SPEN: variants seen among roughly 807,000 people sequenced by gnomAD.
SPEN encodes the protein msx2-interacting protein.
A neutral mutation model predicts 269.9 loss-of-function variants in SPEN; 18 were observed. That is an observed-to-expected ratio of 0.07 (90% CI 0.05 to 0.10). The LOEUF is 0.10. Ranked by LOEUF, SPEN falls within the 10% of genes least tolerant of loss-of-function variation. SPEN has a pLI of 1.00. For missense variants in SPEN, 3,822 were observed against 4,631.2 expected (o/e 0.83, Z 5.07); for synonymous variants, 1,726 against 1,765.7 (o/e 0.98, Z 0.56).
At chr1:15,938,618 T>A in intron 13 of SPEN, 100 bp from the exon 14 acceptor site, 1 of 765,846 alleles carries the variant, frequency 1.3e-6, no homozygotes, top group Non-Finnish European at 1.9e-6. Context: ...TAAAGTCATC[T>A]CAGAGGTGGG....
intron 1 of SPEN, among the ~76,000 whole-genome samples, chr1:15,857,258 T>C (rs1018282763): frequency 1.3e-5 from 2 of 152,186 alleles, no homozygotes; most frequent in Admixed American, 6.6e-5. Flanking sequence ...AGAGACAAGG[T>C]CTCACTCTGT....
intron 5 of SPEN, among the ~76,000 whole-genome samples, chr1:15,914,976 T>G (rs958841147): frequency 6.6e-6 from 1 of 152,200 alleles, no homozygotes; most frequent in South Asian, 2.1e-4. Flanking sequence ...GACAGTTGAT[T>G]TATTGTGTTA....
Position 15,934,093 on chromosome 1 carries a change from T to C in SPEN, c.7853T>C (p.Ile2618Thr). The C allele has an allele frequency of 6.2e-7, 1 of 1,611,670 alleles. No homozygotes were observed. The highest frequency in any genetic ancestry group is 8.5e-7 in the Non-Finnish European group (1 of 1,178,120). Reference sequence around the variant, plus strand: ...GTGGCTCCAGTCATTGCTCCCAAAATTACCTCTGTTATTAGCCGGATGCCT... The same window carrying C: ...GTGGCTCCAGTCATTGCTCCCAAAACTACCTCTGTTATTAGCCGGATGCCT... ...EKVAPVIAPK[I>T]TSVISRMPVS... The change falls in exon 11 of 15, where the codon ATT (isoleucine) becomes ACT (threonine). Residue 2618 changes from isoleucine to threonine, a missense_variant. This residue lies in a region of SPEN where 329 missense variants were observed against 431.2 expected (regional missense o/e 0.76). Transcript: ENST00000375759. This position sits in a 1 kb window ranked among gnomAD's most constrained non-coding sequence, Gnocchi z 9.2.
At chr1:15,871,545 G>A (rs1029283305) in intron 1 of SPEN, among the ~76,000 whole-genome samples, 1 of 149,142 alleles carries the variant, frequency 6.7e-6, no homozygotes, top group African/African-American at 2.5e-5. Flanking sequence ...CCACCTGCCT[G>A]GGCCTCCCAA....
At chr1:15,871,228 A>G (rs2070569780) in intron 1 of SPEN, among the ~76,000 whole-genome samples, 1 of 152,206 alleles carries the variant, frequency 6.6e-6, no homozygotes, top group Non-Finnish European at 1.5e-5. Context: ...TCAGCCTCCC[A>G]AAGTGCTGGG....
chr1:15,867,602 G>T (rs911463429), intron 1 of SPEN, among the ~76,000 whole-genome samples: 2 of 151,960 alleles, frequency 1.3e-5, no homozygotes, highest in Non-Finnish European at 1.5e-5. Context: ...TATATTTGTT[G>T]TTGTTTTTTG....
chr1:15,887,297 T>TTC (rs2070746174), intron 3 of SPEN, among the ~76,000 whole-genome samples: 3 of 146,430 alleles, frequency 2.0e-5, no homozygotes, highest in Non-Finnish European at 4.5e-5. Flanking sequence ...TTTTTTTTTT[T>TTC]TGAGACGGAG....
At position 15,935,449 on chromosome 1, in the gene SPEN, G is replaced by A. The variant is rs1450759091; in HGVS notation, c.9209G>A (p.Ser3070Asn). ...ATCCCAGTGCCCCAGTTCATCTCCAGCATCCACCCAGAGCAGTCTGTCATC... is the reference window on the plus strand; with the variant it reads ...ATCCCAGTGCCCCAGTTCATCTCCAACATCCACCCAGAGCAGTCTGTCATC... ...AGIPVPQFIS[S>N]IHPEQSVIMP... is the part of the protein sequence containing the mutation. Residue 3070 changes from serine to asparagine, a missense_variant, in exon 11 of 15, where the codon AGC becomes AAC. Ser to Asn is a conservative substitution (Grantham distance 46). Around this residue, in one of 16 missense-constraint regions of SPEN, gnomAD observed 153 missense variants for 228.5 expected, o/e 0.67. Coordinates refer to ENST00000375759, the MANE Select transcript of SPEN (RefSeq NM_015001.3). The surrounding 1 kb of genome is among the most constrained non-coding windows in gnomAD (Gnocchi z 7.7). The A allele has an allele frequency of 1.9e-6, 3 of 1,614,048 alleles. No homozygotes were observed. The South Asian group carries it at 3.3e-5, about 18-fold the overall frequency.
intron 3 of SPEN, among the ~76,000 whole-genome samples, chr1:15,893,874 A>G (rs1006915449): frequency 6.6e-6 from 1 of 152,176 alleles, no homozygotes; most frequent in African/African-American, 2.4e-5. Flanking sequence ...CCCTGTCTCT[A>G]CTAAAAATAC....
chr1:15,893,692 A>G (rs572736799), intron 3 of SPEN, among the ~76,000 whole-genome samples: 1 of 152,096 alleles, frequency 6.6e-6, no homozygotes, highest in South Asian at 2.1e-4. Flanking sequence ...AAAAAAGGCC[A>G]GTACACTCAA....
chr1:15,932,139 G>A lies in SPEN; in HGVS notation c.5899G>A (p.Glu1967Lys), dbSNP rs763007084. Residue 1967 changes from glutamate to lysine, a missense_variant, in exon 11 of 15, where the codon GAG becomes AAG. Around this residue, in one of 16 missense-constraint regions of SPEN, gnomAD observed 533 missense variants for 618.8 expected, o/e 0.86. Coordinates refer to ENST00000375759, the MANE Select transcript of SPEN (RefSeq NM_015001.3). This position sits in a 1 kb window ranked among gnomAD's most constrained non-coding sequence, Gnocchi z 4.2. Reference sequence around the variant, plus strand: ...GCGAGCCGATGAAGAGGAGGAGAACGAGGCCAAGGAACCTGCAGAAACACT... The same window carrying A: ...GCGAGCCGATGAAGAGGAGGAGAACAAGGCCAAGGAACCTGCAGAAACACT... ...RRRADEEEEN[E>K]AKEPAETLKP... 3 of 1,613,360 alleles carry A rather than the reference G, an allele frequency of 1.9e-6. No individual in the cohort carries two copies. The highest frequency in any genetic ancestry group is 2.7e-5 in the African/African-American group (2 of 74,872).
At chr1:15,918,640 A>G (rs1241161161) in intron 6 of SPEN, among the ~76,000 whole-genome samples, 2 of 152,216 alleles carry the variant, frequency 1.3e-5, no homozygotes, top group Non-Finnish European at 2.9e-5. Context: ...GTTTCTCTTA[A>G]TGCTGTTAGT....
rs868593080 is a variant in SPEN, at chr1:15,901,327, T to A, written c.882-7994T>A. On this transcript the variant is annotated intron_variant, in intron 3 of 14. Transcript: ENST00000375759. ...AGAGACTCTGTCTGGTAAAAAAAAA[T>A]AAAAAAATAAAAAATAAAAATAAAA... 6.9e-3 allele frequency among the ~76,000 whole-genome samples: 998 copies of A among 143,828 alleles called. 11 individuals carry two copies. The highest frequency in any genetic ancestry group is 0.024 in the African/African-American group (939 of 38,778). The allele number at this position is 143,828 out of a possible 152,430, so 94.4% of individuals were successfully genotyped here.
In SPEN at chr1:15,939,239, G is replaced by A. The variant is rs1024159743; in HGVS notation, c.10864-57G>A. The stretch of plus-strand genomic sequence containing the variant: ...GCCTCTTCAGGGCTCCCCAATGGAA[G>A]TGGAGTTGTGGGGGTGAAGACAGAC... On this transcript the variant is annotated intron_variant, in intron 14 of 14. Transcript: ENST00000375759. This position sits in a 1 kb window ranked among gnomAD's most constrained non-coding sequence, Gnocchi z 4.1. 3 of 1,495,232 alleles carry A rather than the reference G, an allele frequency of 2.0e-6. No individual in the cohort carries two copies. The highest frequency in any genetic ancestry group is 5.0e-5 in the East Asian group (2 of 40,158). The allele number at this position is 1,495,232 out of a possible 1,614,324, so 92.6% of individuals were successfully genotyped here.
At chr1:15,889,921 G>C (rs1358642159) in intron 3 of SPEN, among the ~76,000 whole-genome samples, 1 of 152,032 alleles carries the variant, frequency 6.6e-6, no homozygotes, top group African/African-American at 2.4e-5. Context: ...CACCATGCTG[G>C]CCAGGCTGGT....
rs1220204942 is a variant in SPEN at position 15,872,918 on chromosome 1, T to C, written c.186T>C (p.Ala62=). 2.5e-6 allele frequency: 4 copies of C among 1,604,234 alleles called. No individual in the cohort carries two copies. Among genetic ancestry groups the C allele is most frequent in the African/African-American group, 1.3e-5 (1 of 74,794 alleles). The change falls in exon 2 of 15, where the codon GCT becomes GCC. Residue 62 remains alanine (A), a synonymous_variant. Transcript: ENST00000375759. ...TGGACATCAAAAGTGCACAGAAAGCTCACAACTCGGTCAACAAAATGGGTG... is the reference window on the plus strand; with the variant it reads ...TGGACATCAAAAGTGCACAGAAAGCCCACAACTCGGTCAACAAAATGGGTG... The part of the protein sequence containing the change: ...DFVDIKSAQK[A]HNSVNKMGDR...
intron 1 of SPEN, among the ~76,000 whole-genome samples, chr1:15,860,442 A>T (rs1569971382): frequency 1.7e-5 from 2 of 120,094 alleles, no homozygotes; most frequent in East Asian, 2.8e-4. Context: ...GTCCCACTGT[A>T]GTGTGTGTGT....
At chr1:15,885,114 A>G (rs907557750) in intron 3 of SPEN, among the ~76,000 whole-genome samples, 1 of 152,152 alleles carries the variant, frequency 6.6e-6, no homozygotes, top group Non-Finnish European at 1.5e-5. Flanking sequence ...AATTTGTCTG[A>G]TTTATTATCC....
intron 6 of SPEN, 85 bp downstream of exon 6, chr1:15,916,364 A>G: frequency 7.2e-7 from 1 of 1,383,006 alleles, no homozygotes; most frequent in Non-Finnish European, 9.8e-7. Flanking sequence ...GAAAGGTGAT[A>G]TTTAATGGTG....
Sources: gnomAD v4.1 joint callset for allele counts (sites outside exome capture counted in the v4.1 genomes callset) on GRCh38, gnomAD v4.1.1 for gene constraint, gnomAD v4.1.1 regional missense constraint, Gnocchi (gnomAD v3.1) non-coding constraint, MANE v1.5 for transcripts, NCBI Gene and HGNC (gene_info 2026-07-23, HGNC 2026-07-21) for gene names.